POU4F2: variants seen among roughly 807,000 people sequenced by gnomAD.
POU4F2 encodes the protein POU domain, class 4, transcription factor 2.
Under a neutral mutation model 21.5 loss-of-function variants are expected in POU4F2, and 10 were observed. That is an observed-to-expected ratio of 0.46 (90% CI 0.29 to 0.79). The LOEUF (loss-of-function observed/expected upper bound fraction) is 0.79. POU4F2 is among the 30% of genes least tolerant of loss of function. The probability of loss-of-function intolerance (pLI) is 0.10; values close to 1 mark genes in which losing one functional copy is unlikely to be tolerated. For synonymous variants in POU4F2, 324 were observed against 271.1 expected (o/e 1.20, Z -1.92); for missense variants, 623 against 603.3 (o/e 1.03, Z -0.34).
At chr4:146,639,487 C>T in intron 1 of POU4F2, 59 bp downstream of exon 1, 1 of 1,445,456 alleles carries the variant, frequency 6.9e-7, no homozygotes, top group South Asian at 1.6e-5. Flanking sequence ...CCTTTATCTG[C>T]TTGATGTTTT....
chr4:146,640,334 C>A lies in POU4F2; in HGVS notation c.756C>A (p.Asp252Glu), dbSNP rs755910426. Residue 252 changes from aspartate (D) to glutamate (E), a missense_variant, in exon 2 of 2, where the codon GAC becomes GAA. Asp to Glu is a conservative substitution (Grantham distance 45, BLOSUM62 2). Transcript: ENST00000281321. The surrounding 1 kb of genome is among the most constrained non-coding windows in gnomAD (Gnocchi z 4.8). ...ACATGGGCTGCATGAGCGACGTGGA[C>A]GCCGACCCGCGGGACCTGGAGGCAT... ...PSHMGCMSDV[D>E]ADPRDLEAFA... is the part of the protein sequence containing the mutation. The A allele has an allele frequency of 6.3e-7, 1 of 1,579,840 alleles. No individual in the cohort carries two copies. The highest frequency in any genetic ancestry group is 1.2e-5 in the South Asian group (1 of 85,606).
In POU4F2 at chr4:146,640,854, T is replaced by C; in HGVS notation, c.*46T>C. The stretch of plus-strand genomic sequence containing the variant: ...AGACGCCCCTTTCCTCGTCCGCTCT[T>C]TTCTCTCCTCTCTTCTGCCTCTTTT... On this transcript the variant is annotated 3_prime_UTR_variant, in exon 2 of 2. Transcript: ENST00000281321. The surrounding 1 kb of genome is among the most constrained non-coding windows in gnomAD (Gnocchi z 4.8). The C allele has an allele frequency of 6.6e-7, 1 of 1,513,552 alleles. No homozygotes were observed. The highest frequency in any genetic ancestry group is 8.9e-7 in the Non-Finnish European group (1 of 1,129,306). The allele number at this position is 1,513,552 out of a possible 1,614,324, so 93.8% of individuals were successfully genotyped here.
Position 146,639,256 on chromosome 4 carries a change from C to T in POU4F2, c.116C>T (p.Pro39Leu). The T allele has an allele frequency of 6.3e-7, 1 of 1,581,188 alleles. No individual in the cohort carries two copies. The highest frequency in any genetic ancestry group is 8.6e-7 in the Non-Finnish European group (1 of 1,166,918). Reference protein sequence around the residue: ...LHSTSPGSSAPIAPSASSPSS... With the variant: ...LHSTSPGSSALIAPSASSPSS... ...AGCACCTCGCCGGGCTCCTCGGCTC[C>T]CATCGCGCCCTCGGCCAGCTCCCCC... The change falls in exon 1 of 2, where the codon CCC (proline) becomes CTC (leucine). Residue 39 changes from proline to leucine, a missense_variant. By Grantham distance (98) the Pro-to-Leu change is moderately conservative. Transcript: ENST00000281321.
rs1189183986 is a variant in POU4F2, at chr4:146,640,518, G to A, written c.940G>A (p.Ala314Thr). The change falls in exon 2 of 2, where the codon GCG (alanine) becomes ACG (threonine). Residue 314 changes from alanine to threonine, a missense_variant. Coordinates refer to ENST00000281321, the MANE Select transcript of POU4F2 (RefSeq NM_004575.3). The surrounding 1 kb of genome is among the most constrained non-coding windows in gnomAD (Gnocchi z 4.8). ...CACACTGTCCCACAATAATATGATC[G>A]CGCTCAAACCCATCCTGCAGGCATG... is the stretch of plus-strand genomic sequence containing the variant. ...SLTLSHNNMI[A>T]LKPILQAWLE... 1.2e-6 allele frequency: 2 copies of A among 1,613,988 alleles called. No individual in the cohort carries two copies. The highest frequency in any genetic ancestry group is 2.2e-5 in the East Asian group (1 of 44,892).
rs755855425 is a variant in POU4F2, at chr4:146,640,861, C to T, written c.*53C>T. The T allele has an allele frequency of 8.3e-5, 124 of 1,494,978 alleles. No individual in the cohort carries two copies. The highest frequency in any genetic ancestry group is 4.0e-4 in the Middle Eastern group (2 of 5,050). The allele number at this position is 1,494,978 out of a possible 1,614,324, so 92.6% of individuals were successfully genotyped here. On this transcript the variant is annotated 3_prime_UTR_variant, in exon 2 of 2. Transcript: ENST00000281321. This position sits in a 1 kb window ranked among gnomAD's most constrained non-coding sequence, Gnocchi z 4.8. Reference sequence around the variant, plus strand: ...CCTTTCCTCGTCCGCTCTTTTCTCTCCTCTCTTCTGCCTCTTTTCACTTTT... The same window carrying T: ...CCTTTCCTCGTCCGCTCTTTTCTCTTCTCTCTTCTGCCTCTTTTCACTTTT...
chr4:146,641,556 A>C lies in POU4F2; in HGVS notation c.*748A>C, dbSNP rs546831697. On this transcript the variant is annotated 3_prime_UTR_variant, in exon 2 of 2. Transcript: ENST00000281321. ...AATTAAACTTCTTCCGTCTAAAAAA[A>C]GTGGGGGAAATGTATAGCTAGTAAC... 2.0e-5 allele frequency: 3 copies of C among 152,770 alleles called. No individual in the cohort carries two copies. The highest frequency in any genetic ancestry group is 3.9e-4 in the East Asian group (2 of 5,192). The allele number at this position is 152,770 out of a possible 1,614,324, so 9.5% of individuals were successfully genotyped here. A position where few individuals can be genotyped will look rare whatever the true frequency, so the allele number is the denominator to read the frequency against.
rs943188795 is a variant in POU4F2 at position 146,642,417 on chromosome 4, G to C, written c.*1609G>C. ...GAAGAGATAATTTTAATGTTTTATT[G>C]GCAACGTATGCTGCTTTTTCATTAA... is the stretch of plus-strand genomic sequence containing the variant. On this transcript the variant is annotated 3_prime_UTR_variant, in exon 2 of 2. Coordinates refer to ENST00000281321, the MANE Select transcript of POU4F2 (RefSeq NM_004575.3). 3 of 151,920 alleles carry C rather than the reference G, an allele frequency of 2.0e-5. No individual in the cohort carries two copies. Among genetic ancestry groups the C allele is most frequent in the South Asian group, 2.1e-4 (1 of 4,814 alleles). The allele number at this position is 151,920 out of a possible 1,614,324, so 9.4% of individuals were successfully genotyped here. A position where few individuals can be genotyped will look rare whatever the true frequency, so the allele number is the denominator to read the frequency against.
Position 146,639,003 on chromosome 4 carries a change from C to T in POU4F2, c.-138C>T. ...TAGCCGAGATCAGGCGTACAGAGTC[C>T]GGAGGCGGCGGCGGGTGAGCTCAAC... On this transcript the variant is annotated 5_prime_UTR_variant, in exon 1 of 2. Coordinates refer to ENST00000281321, the MANE Select transcript of POU4F2 (RefSeq NM_004575.3). 4.5e-6 allele frequency: 5 copies of T among 1,114,260 alleles called. No homozygotes were observed. Among genetic ancestry groups the T allele is most frequent in the South Asian group, 1.6e-5 (1 of 60,968 alleles). The allele number at this position is 1,114,260 out of a possible 1,614,324, so 69.0% of individuals were successfully genotyped here. A position where few individuals can be genotyped will look rare whatever the true frequency, so the allele number is the denominator to read the frequency against.
Position 146,639,340 on chromosome 4 carries a change from G to A in POU4F2, c.200G>A (p.Gly67Glu), listed in dbSNP as rs1740823702. ...GGGGGGGGGG[G>E]GRSSSSSSSG... ...GGCGGCGGCGGCGGCGGCGGCGGCGGAGGCCGAAGCAGCAGCTCCAGCAGC... is the reference window on the plus strand; with the variant it reads ...GGCGGCGGCGGCGGCGGCGGCGGCGAAGGCCGAAGCAGCAGCTCCAGCAGC... The change falls in exon 1 of 2, where the codon GGA (glycine) becomes GAA (glutamate). Residue 67 changes from glycine (G) to glutamate (E), a missense_variant. Physicochemically the swap from Gly to Glu is moderately conservative, Grantham distance 98. This residue lies in a region of POU4F2 where 523 missense variants were observed against 504.1 expected (regional missense o/e 1.04). Coordinates refer to ENST00000281321, the MANE Select transcript of POU4F2 (RefSeq NM_004575.3). 2.7e-6 allele frequency: 4 copies of A among 1,496,988 alleles called. No homozygotes were observed. The highest frequency in any genetic ancestry group is 3.6e-6 in the Non-Finnish European group (4 of 1,126,740). The allele number at this position is 1,496,988 out of a possible 1,614,324, so 92.7% of individuals were successfully genotyped here.
Position 146,638,995 on chromosome 4 carries a change from A to T in POU4F2, c.-146A>T. On this transcript the variant is annotated 5_prime_UTR_variant, in exon 1 of 2. Transcript: ENST00000281321. ...GGAGCGCGTAGCCGAGATCAGGCGT[A>T]CAGAGTCCGGAGGCGGCGGCGGGTG... The T allele has an allele frequency of 2.0e-6, 2 of 1,021,402 alleles. No homozygotes were observed. The highest frequency in any genetic ancestry group is 2.8e-6 in the Non-Finnish European group (2 of 721,116). 63.3% of individuals were successfully genotyped at this position (1,021,402 alleles called of 1,614,324 possible). A position where few individuals can be genotyped will look rare whatever the true frequency, so the allele number is the denominator to read the frequency against.
rs1323925464 is a variant in POU4F2, at chr4:146,642,464, G to A, written c.*1656G>A. 2.6e-5 allele frequency: 4 copies of A among 152,056 alleles called. No individual in the cohort carries two copies. Among genetic ancestry groups the A allele is most frequent in the Non-Finnish European group, 5.9e-5 (4 of 67,992 alleles). 9.4% of individuals were successfully genotyped at this position (152,056 alleles called of 1,614,324 possible). ...TTAAAATATGCTATTAAAATTAAAT[G>A]GCTTTTAAAATGTGATGTTGTTTTA... On this transcript the variant is annotated 3_prime_UTR_variant, in exon 2 of 2. Transcript: ENST00000281321.
At position 146,640,109 on chromosome 4, in the gene POU4F2, C is replaced by T. The variant is rs776556532; in HGVS notation, c.531C>T (p.His177=). The T allele has an allele frequency of 3.1e-6, 5 of 1,591,398 alleles. No individual in the cohort carries two copies. The highest frequency in any genetic ancestry group is 1.7e-5 in the Admixed American group (1 of 58,794). ...GCACGCACCACCACCACCACCATCA[C>T]CACCACCACCACCACCAACCGCACC... The part of the protein sequence containing the change: ...LAGTHHHHHH[H]HHHHHQPHQA... The change falls in exon 2 of 2, where the codon CAC becomes CAT. Residue 177 remains histidine, a synonymous_variant. Coordinates refer to ENST00000281321, the MANE Select transcript of POU4F2 (RefSeq NM_004575.3). This position sits in a 1 kb window ranked among gnomAD's most constrained non-coding sequence, Gnocchi z 4.8.
chr4:146,640,862 C>T lies in POU4F2; in HGVS notation c.*54C>T. 9 of 1,491,562 alleles carry T rather than the reference C, an allele frequency of 6.0e-6. No homozygotes were observed. In the South Asian group the frequency reaches 9.5e-5, roughly 16 times the overall value. The allele number at this position is 1,491,562 out of a possible 1,614,324, so 92.4% of individuals were successfully genotyped here. On this transcript the variant is annotated 3_prime_UTR_variant, in exon 2 of 2. Transcript: ENST00000281321. This position sits in a 1 kb window ranked among gnomAD's most constrained non-coding sequence, Gnocchi z 4.8. Reference sequence around the variant, plus strand: ...CTTTCCTCGTCCGCTCTTTTCTCTCCTCTCTTCTGCCTCTTTTCACTTTTG... The same window carrying T: ...CTTTCCTCGTCCGCTCTTTTCTCTCTTCTCTTCTGCCTCTTTTCACTTTTG...
At chr4:146,639,716 C>T in intron 1 of POU4F2, 151 bp from the exon 2 acceptor site, 1 of 945,206 alleles carries the variant, frequency 1.1e-6, no homozygotes, top group East Asian at 3.0e-5. Context: ...TTCTCTTCAC[C>T]TCTGTTTTCA....
At position 146,641,140 on chromosome 4, in the gene POU4F2, A is replaced by G; in HGVS notation, c.*332A>G. 1 of 226,174 alleles carries G rather than the reference A, an allele frequency of 4.4e-6. No homozygotes were observed. The allele number at this position is 226,174 out of a possible 1,614,324, so 14.0% of individuals were successfully genotyped here. On this transcript the variant is annotated 3_prime_UTR_variant, in exon 2 of 2. Coordinates refer to ENST00000281321, the MANE Select transcript of POU4F2 (RefSeq NM_004575.3). ...AGACAGTGTTTAAAAAGTCCACAAG[A>G]ATGATCAAGTAAGATTTGTTTTTAT...
rs372860552 is a variant in POU4F2 at position 146,640,679 on chromosome 4, G to C, written c.1101G>C (p.Gln367His). 3.2e-5 allele frequency: 51 copies of C among 1,614,146 alleles called. No homozygotes were observed. The highest frequency in any genetic ancestry group is 4.2e-5 in the Non-Finnish European group (49 of 1,180,056). Residue 367 changes from glutamine to histidine, a missense_variant, in exon 2 of 2, where the codon CAG (glutamine) becomes CAC (histidine). Around this residue, in one of 3 missense-constraint regions of POU4F2, gnomAD observed 523 missense variants for 504.1 expected, o/e 1.04. Coordinates refer to ENST00000281321, the MANE Select transcript of POU4F2 (RefSeq NM_004575.3). This position sits in a 1 kb window ranked among gnomAD's most constrained non-coding sequence, Gnocchi z 4.8. ...CGCTCGAAGCCTACTTTGCCATTCA[G>C]CCTCGGCCCTCCTCTGAAAAGATCG... is the stretch of plus-strand genomic sequence containing the variant. The part of the protein sequence containing the change: ...KRSLEAYFAI[Q>H]PRPSSEKIAA...
chr4:146,639,886 TGGATGAGA>T lies in POU4F2; in HGVS notation c.310_317del (p.Asp104SerfsTer189), dbSNP rs1436643592. On this transcript the variant is annotated frameshift_variant, in exon 2 of 2. Transcript: ENST00000281321. LOFTEE classifies it high-confidence loss of function. ...TTGCAGAGCAATATATTCGGCGGGC[TGGATGAGA>T]GTCTGCTGGCCCGCGCCGAGGCTCT... is the stretch of plus-strand genomic sequence containing the variant. 6.5e-7 allele frequency: 1 copy of T among 1,550,252 alleles called. No homozygotes were observed. Among genetic ancestry groups the T allele is most frequent in the Non-Finnish European group, 8.7e-7 (1 of 1,147,042 alleles).
At position 146,641,018 on chromosome 4, in the gene POU4F2, G is replaced by T. The variant is rs1740877490; in HGVS notation, c.*210G>T. ...TTTCTCAAAGGAAAGAATAACAAAA[G>T]ATGGTATTTGTCTGTTGTAGCAAAG... On this transcript the variant is annotated 3_prime_UTR_variant, in exon 2 of 2. Transcript: ENST00000281321. 1 of 544,546 alleles carries T rather than the reference G, an allele frequency of 1.8e-6. No individual in the cohort carries two copies. Among genetic ancestry groups the T allele is most frequent in the East Asian group, 3.3e-5 (1 of 30,110 alleles). 33.7% of individuals were successfully genotyped at this position (544,546 alleles called of 1,614,324 possible).
Position 146,640,420 on chromosome 4 carries a change from C to G in POU4F2, c.842C>G (p.Ser281Cys). 6.2e-7 allele frequency: 1 copy of G among 1,612,090 alleles called. No homozygotes were observed. Among genetic ancestry groups the G allele is most frequent in the Non-Finnish European group, 8.5e-7 (1 of 1,179,736 alleles). ...GGGGTGACCCAGGCAGATGTGGGCT[C>G]CGCGCTGGCCAACCTCAAGATCCCC... Reference protein sequence around the residue: ...KLGVTQADVGSALANLKIPGV... With the variant: ...KLGVTQADVGCALANLKIPGV... The change falls in exon 2 of 2, where the codon TCC (serine) becomes TGC (cysteine). Residue 281 changes from serine to cysteine, a missense_variant. By Grantham distance (112) the Ser-to-Cys change is moderately radical (BLOSUM62 -1). Transcript: ENST00000281321. The surrounding 1 kb of genome is among the most constrained non-coding windows in gnomAD (Gnocchi z 4.8).
Sources: gnomAD v4.1 joint callset for allele counts on GRCh38, gnomAD v4.1.1 for gene constraint, gnomAD v4.1.1 regional missense constraint, Gnocchi (gnomAD v3.1) non-coding constraint, MANE v1.5 for transcripts, NCBI Gene and HGNC (gene_info 2026-07-23, HGNC 2026-07-21) for gene names.